The following FBXO33 variants were observed in gnomAD, a reference collection of about 807,000 sequenced individuals.
FBXO33 encodes the protein F-box protein 33, also known as F-box only protein 33.
In FBXO33, 22 loss-of-function variants were observed where a neutral mutation model predicts 46.3. That is an observed-to-expected ratio of 0.48 (90% CI 0.34 to 0.68). The LOEUF (loss-of-function observed/expected upper bound fraction) is 0.68. Among genes scored for constraint, FBXO33 ranks in the 30% least tolerant of loss-of-function variants. The pLI is 0.01. For synonymous variants in FBXO33, 337 were observed against 291.3 expected, an observed-to-expected ratio of 1.16 and a Z score of -1.60; for missense variants, 692 against 708.8, an observed-to-expected ratio of 0.98 and a Z score of 0.27.
intron 1 of FBXO33, among the ~76,000 whole-genome samples, chr14:39,405,780 T>C (rs2075394035): frequency 6.6e-6 from 1 of 151,048 alleles, no homozygotes; most frequent in Admixed American, 6.6e-5. Flanking sequence ...AGAATCCAAG[T>C]AGTAAATAGG....
At chr14:39,420,690 CA>C (rs375081401) in intron 1 of FBXO33, among the ~76,000 whole-genome samples, 14 of 139,472 alleles carry the variant, frequency 1.0e-4, no homozygotes, top group Admixed American at 3.6e-4. Flanking sequence ...AACTCTGTCT[CA>C]AAAAAAAAAG....
intron 1 of FBXO33, among the ~76,000 whole-genome samples, chr14:39,411,390 C>A (rs191701535): frequency 6.1e-4 from 93 of 151,904 alleles, no homozygotes; most frequent in African/African-American, 2.1e-3. Flanking sequence ...CTGCGCCTGG[C>A]CTTTTTCTTC....
chr14:39,400,771 A>ACTT (rs1382447039), intron 3 of FBXO33, among the ~76,000 whole-genome samples: 1 of 152,246 alleles, frequency 6.6e-6, no homozygotes, highest in African/African-American at 2.4e-5. Flanking sequence ...ATACATTAAT[A>ACTT]CTTTGATACC....
In FBXO33 at chr14:39,431,842, C is replaced by G. The variant is rs200348294; in HGVS notation, c.321G>C (p.Leu107=). Residue 107 remains leucine, a synonymous_variant, in exon 1 of 4, where the codon CTG becomes CTC. Transcript: ENST00000298097. ...HWRECLFYPA[L]WPQLRICLRV... ...GGAGGCAGATGCGGAGCTGGGGCCA[C>G]AGGGCCGGATAGAAGAGGCACTCAC... 1.1e-4 allele frequency: 170 copies of G among 1,602,776 alleles called. No individual in the cohort carries two copies. The highest frequency in any genetic ancestry group is 1.3e-4 in the Non-Finnish European group (155 of 1,177,508).
chr14:39,411,893 C>T (rs933518395), intron 1 of FBXO33, among the ~76,000 whole-genome samples: 1 of 151,956 alleles, frequency 6.6e-6, no homozygotes, highest in African/African-American at 2.4e-5. Context: ...TATTGATTTC[C>T]AGTTTTATAT....
chr14:39,408,512 C>A (rs760975353), intron 1 of FBXO33, among the ~76,000 whole-genome samples: 3 of 151,678 alleles, frequency 2.0e-5, no homozygotes, highest in Admixed American at 1.3e-4. Flanking sequence ...ATTTAACTTC[C>A]ATTTCTCTTT....
chr14:39,404,432 T>C (rs1052301343), intron 1 of FBXO33, among the ~76,000 whole-genome samples: 2 of 152,172 alleles, frequency 1.3e-5, no homozygotes, highest in Non-Finnish European at 2.9e-5. Flanking sequence ...GTTCATGCCA[T>C]TCTCCTGCCT....
Position 39,429,085 on chromosome 14 carries a change from G to A in FBXO33, c.599+2479C>T, listed in dbSNP as rs144059746. On this transcript the variant is annotated intron_variant, in intron 1 of 3. Transcript: ENST00000298097. Reference sequence around the variant, plus strand: ...GAATACATGTATATATATAACCCAGGAACCAAGCAAAACAAAATGCCAATT... The same window carrying A: ...GAATACATGTATATATATAACCCAGAAACCAAGCAAAACAAAATGCCAATT... Among the ~76,000 whole-genome samples, 23 of 152,220 alleles carry A rather than the reference G, an allele frequency of 1.5e-4. No individual in the cohort carries two copies. The East Asian group carries it at 3.1e-3, about 20-fold the overall frequency.
rs1229484663 is a variant in FBXO33 at position 39,401,623 on chromosome 14, C to A, written c.949G>T (p.Asp317Tyr). The A allele has an allele frequency of 6.2e-7, 1 of 1,614,030 alleles. No individual in the cohort carries two copies. The highest frequency in any genetic ancestry group is 1.3e-5 in the African/African-American group (1 of 74,918). The change falls in exon 3 of 4, where the codon GAC (aspartate) becomes TAC (tyrosine). Residue 317 changes from aspartate (D) to tyrosine (Y), a missense_variant. Asp to Tyr is a radical substitution (Grantham distance 160). This residue lies in a region of FBXO33 where 186 missense variants were observed against 246.1 expected (regional missense o/e 0.76). Transcript: ENST00000298097. Reference protein sequence around the residue: ...NLHSLALDFCDFTAEMARVLT... With the variant: ...NLHSLALDFCYFTAEMARVLT... Reference sequence around the variant, plus strand: ...ACTCTTGCCATCTCAGCTGTAAAGTCACAAAAATCCAAGGCAAGTGAGTGC... The same window carrying A: ...ACTCTTGCCATCTCAGCTGTAAAGTAACAAAAATCCAAGGCAAGTGAGTGC...
chr14:39,418,673 G>A (rs2075462544), intron 1 of FBXO33, among the ~76,000 whole-genome samples: 1 of 151,118 alleles, frequency 6.6e-6, no homozygotes, highest in African/African-American at 2.4e-5. Flanking sequence ...TACTCGGGAG[G>A]CTGAGGCAGG....
chr14:39,431,709 C>T lies in FBXO33; in HGVS notation c.454G>A (p.Gly152Ser), dbSNP rs77726617. Reference protein sequence around the residue: ...EFAAENYLSGGGPGDGGGADT... With the variant: ...EFAAENYLSGSGPGDGGGADT... ...GCGCCACCTCCGTCCCCTGGGCCAC[C>T]GCCGCTCAGATAGTTCTCGGCGGCG... is the stretch of plus-strand genomic sequence containing the variant. Residue 152 changes from glycine (G) to serine (S), a missense_variant, in exon 1 of 4, where the codon GGT becomes AGT. Gly to Ser is a moderately conservative substitution (Grantham distance 56, BLOSUM62 0). Around this residue, in one of 3 missense-constraint regions of FBXO33, gnomAD observed 412 missense variants for 370.8 expected, o/e 1.11. Coordinates refer to ENST00000298097, the MANE Select transcript of FBXO33 (RefSeq NM_203301.4). 1.2e-6 allele frequency: 2 copies of T among 1,613,312 alleles called. No individual in the cohort carries two copies. The highest frequency in any genetic ancestry group is 1.3e-5 in the African/African-American group (1 of 74,944).
chr14:39,423,117 A>G (rs1465647529), intron 1 of FBXO33, among the ~76,000 whole-genome samples: 10 of 152,118 alleles, frequency 6.6e-5, no homozygotes, highest in Admixed American at 6.5e-4. Flanking sequence ...GTGAGACTCC[A>G]TCTCAAAAAA....
intron 1 of FBXO33, among the ~76,000 whole-genome samples, chr14:39,410,531 G>C (rs375200630): frequency 4.3e-4 from 65 of 152,176 alleles, no homozygotes; most frequent in African/African-American, 1.4e-3. Flanking sequence ...AGTAGTGCTA[G>C]TCACATAAAA....
At chr14:39,425,056 A>T (rs2075504587) in intron 1 of FBXO33, among the ~76,000 whole-genome samples, 1 of 152,212 alleles carries the variant, frequency 6.6e-6, no homozygotes, top group Non-Finnish European at 1.5e-5. Context: ...ATCTCAAAAA[A>T]AAAAAGTTTA....
intron 1 of FBXO33, among the ~76,000 whole-genome samples, chr14:39,402,840 G>T (rs2075375154): frequency 6.6e-6 from 1 of 152,094 alleles, no homozygotes; most frequent in African/African-American, 2.4e-5. Flanking sequence ...CCGCCACCAT[G>T]CCCGGCTAAT....
chr14:39,398,397 C>G lies in FBXO33; in HGVS notation c.*1119G>C, dbSNP rs1169701607. The G allele has an allele frequency of 6.6e-6, 1 of 151,806 alleles. No homozygotes were observed. The highest frequency in any genetic ancestry group is 2.4e-5 in the African/African-American group (1 of 41,142). The allele number at this position is 151,806 out of a possible 1,614,324, so 9.4% of individuals were successfully genotyped here. On this transcript the variant is annotated 3_prime_UTR_variant, in exon 4 of 4. Coordinates refer to ENST00000298097, the MANE Select transcript of FBXO33 (RefSeq NM_203301.4). ...CAGCTCATACCTGTGATAGAACAAG[C>G]TTTCAGTTTTTCCTTTCTTTCCTTT...
chr14:39,418,331 G>C (rs190471759), intron 1 of FBXO33, among the ~76,000 whole-genome samples: 1 of 151,620 alleles, frequency 6.6e-6, no homozygotes, highest in Non-Finnish European at 1.5e-5. Flanking sequence ...CCAAAGTGCT[G>C]GGATTACAGG....
intron 1 of FBXO33, among the ~76,000 whole-genome samples, chr14:39,409,837 T>C (rs1390916904): frequency 6.6e-6 from 1 of 152,214 alleles, no homozygotes; most frequent in Non-Finnish European, 1.5e-5. Flanking sequence ...GTCAATGGGA[T>C]TTTCTTAATT....
At chr14:39,424,435 A>AAATACT (rs1395798605) in intron 1 of FBXO33, among the ~76,000 whole-genome samples, 2 of 152,232 alleles carry the variant, frequency 1.3e-5, no homozygotes, top group African/African-American at 2.4e-5. Context: ...CTATATCTCC[A>AAATACT]AATACTAACA....
Sources: gnomAD v4.1 joint callset for allele counts (sites outside exome capture counted in the v4.1 genomes callset) on GRCh38, gnomAD v4.1.1 for gene constraint, gnomAD v4.1.1 regional missense constraint, MANE v1.5 for transcripts, NCBI Gene and HGNC (gene_info 2026-07-23, HGNC 2026-07-21) for gene names.